Variants in GFRA1 observed in about 807,000 individuals in gnomAD.
GFRA1 encodes the protein GDNF family receptor alpha-1.
GFRA1 carries 16 observed loss-of-function variants against 51.6 expected under a neutral mutation model. That is an observed-to-expected ratio of 0.31 (90% CI 0.21 to 0.47). The LOEUF is 0.47. GFRA1 is among the 20% of genes least tolerant of loss of function. The probability of loss-of-function intolerance (pLI) is 1.00; values close to 1 mark genes in which losing one functional copy is unlikely to be tolerated. For synonymous variants in GFRA1, 270 were observed against 241.3 expected (o/e 1.12, Z -1.10); for missense variants, 530 against 594.3 (o/e 0.89, Z 1.13).
At chr10:116,176,389 G>T (rs1257075177) in intron 5 of GFRA1, among the ~76,000 whole-genome samples, 1 of 152,120 alleles carries the variant, frequency 6.6e-6, no homozygotes, top group Non-Finnish European at 1.5e-5. Flanking sequence ...GCAGCCTGGT[G>T]GGAGGTGTTT....
rs3781508 is a variant in GFRA1, at chr10:116,094,901, T to C, written c.881-1065A>G. On this transcript the variant is annotated intron_variant, in intron 7 of 10. Transcript: ENST00000355422. ...GGGAGGAGGTTAAGGCCATTGGATA[T>C]GCCTGGTGCCACGGTGGGCCCCTGG... 1.1e-3 allele frequency among the ~76,000 whole-genome samples: 175 copies of C among 152,336 alleles called. 4 individuals carry two copies. The East Asian group carries it at 0.028, about 25-fold the overall frequency.
intron 9 of GFRA1, among the ~76,000 whole-genome samples, chr10:116,071,788 A>G (rs1298698511): frequency 1.3e-5 from 2 of 152,256 alleles, no homozygotes; most frequent in East Asian, 1.9e-4. Context: ...TGTCTATACG[A>G]AACTTTACCA....
At chr10:116,274,213 C>T (rs1844138566), upstream of GFRA1, among the ~76,000 whole-genome samples, 1 of 132,298 alleles carries the variant, frequency 7.6e-6, no homozygotes, top group African/African-American at 2.8e-5. Flanking sequence ...CGCCGGGGGG[C>T]GCCCGGGGCA....
chr10:116,241,848 C>T (rs1967408229), intron 4 of GFRA1, among the ~76,000 whole-genome samples: 1 of 152,068 alleles, frequency 6.6e-6, no homozygotes, highest in Admixed American at 6.6e-5. Context: ...AACTTGCTAC[C>T]CAGCCATTCT....
rs538558288 is a variant in GFRA1 at position 116,075,360 on chromosome 10, AC to A, written c.1198-9735del. Among the ~76,000 whole-genome samples the A allele has an allele frequency of 5.3e-5, 8 of 152,354 alleles. No homozygotes were observed. In the South Asian group the frequency reaches 1.7e-3, roughly 32 times the overall value. On this transcript the variant is annotated intron_variant, in intron 9 of 10. Coordinates refer to ENST00000355422, the MANE Select transcript of GFRA1 (RefSeq NM_005264.8). ...AAAGGTCACCGGATGCCGCCTCGGC[AC>A]AGGCTCCTCCTATGTCATCATCAGC...
Position 116,217,328 on chromosome 10 carries a change from G to A in GFRA1, c.419-5683C>T, listed in dbSNP as rs149608517. Among the ~76,000 whole-genome samples, 502 of 152,286 alleles carry A rather than the reference G, an allele frequency of 3.3e-3. 4 individuals are homozygous for A. The highest frequency in any genetic ancestry group is 0.012 in the African/African-American group (486 of 41,568). On this transcript the variant is annotated intron_variant, in intron 4 of 10. Coordinates refer to ENST00000355422, the MANE Select transcript of GFRA1 (RefSeq NM_005264.8). ...CCTATCTATAAAATGGCAACAGTAG[G>A]GATAAGCTTTTTCCCTACCATAGGA...
At chr10:116,075,753 C>A (rs1955590461) in intron 9 of GFRA1, among the ~76,000 whole-genome samples, 1 of 151,314 alleles carries the variant, frequency 6.6e-6, no homozygotes, top group Non-Finnish European at 1.5e-5. Flanking sequence ...GATCTATTAT[C>A]TTTTTTTTTG....
chr10:116,165,075 T>C (rs1435219987), intron 5 of GFRA1, among the ~76,000 whole-genome samples: 1 of 152,200 alleles, frequency 6.6e-6, no homozygotes, highest in Non-Finnish European at 1.5e-5. Context: ...CTTTGTATTC[T>C]CTGGAAACAC....
intron 4 of GFRA1, among the ~76,000 whole-genome samples, chr10:116,257,929 CTGT>C (rs1042277804): frequency 6.6e-6 from 1 of 152,170 alleles, no homozygotes; most frequent in African/African-American, 2.4e-5. Flanking sequence ...TTTGCCCAGG[CTGT>C]TGCCTCTGCC....
At chr10:116,111,968 C>T (rs534390074) in intron 6 of GFRA1, among the ~76,000 whole-genome samples, 8 of 152,306 alleles carry the variant, frequency 5.3e-5, no homozygotes, top group Non-Finnish European at 7.3e-5. Flanking sequence ...CTCTGGCCCT[C>T]GGGGCCCTAC....
intron 4 of GFRA1, among the ~76,000 whole-genome samples, chr10:116,224,625 A>G (rs1966153152): frequency 6.6e-6 from 1 of 152,216 alleles, no homozygotes. Flanking sequence ...TATTTATATG[A>G]AATATCCAGA....
At chr10:116,255,847 T>C in intron 4 of GFRA1, 1 of 851,950 alleles carries the variant, frequency 1.2e-6, no homozygotes, top group Non-Finnish European at 1.6e-6. Context: ...TGCTTAAGTG[T>C]AGAGTAGAAA....
At chr10:116,112,683 G>A (rs2133972954) in intron 6 of GFRA1, among the ~76,000 whole-genome samples, 1 of 152,356 alleles carries the variant, frequency 6.6e-6, no homozygotes, top group East Asian at 1.9e-4. Context: ...GGAGCTGTCA[G>A]GAGGGCATCT....
At chr10:116,121,562 C>T (rs1162396877) in intron 6 of GFRA1, among the ~76,000 whole-genome samples, 2 of 152,136 alleles carry the variant, frequency 1.3e-5, no homozygotes, top group African/African-American at 4.8e-5. Flanking sequence ...CACTGTCGGA[C>T]CCTGGGGAAG....
chr10:116,067,917 G>A (rs550469927), intron 9 of GFRA1, among the ~76,000 whole-genome samples: 8 of 152,224 alleles, frequency 5.3e-5, no homozygotes, highest in South Asian at 4.2e-4. Flanking sequence ...CTGTGCAGTC[G>A]CCAAGTTCTT....
At chr10:116,083,356 T>C (rs1955941690) in intron 9 of GFRA1, among the ~76,000 whole-genome samples, 1 of 152,232 alleles carries the variant, frequency 6.6e-6, no homozygotes, top group Admixed American at 6.5e-5. Context: ...TCTATCATCC[T>C]GTGCAAAATC....
intron 6 of GFRA1, among the ~76,000 whole-genome samples, chr10:116,116,837 C>T (rs998082629): frequency 6.6e-6 from 1 of 152,144 alleles, no homozygotes; most frequent in Non-Finnish European, 1.5e-5. Flanking sequence ...CTAAGAGGCT[C>T]TTATGGACAT....
At chr10:116,260,258 T>C (rs1483266678) in intron 4 of GFRA1, among the ~76,000 whole-genome samples, 1 of 152,214 alleles carries the variant, frequency 6.6e-6, no homozygotes, top group Non-Finnish European at 1.5e-5. Context: ...ACAGCTGCCT[T>C]TGTCACAGCC....
chr10:116,067,878 A>C (rs1285489359), intron 9 of GFRA1, among the ~76,000 whole-genome samples: 8 of 152,200 alleles, frequency 5.3e-5, no homozygotes, highest in Admixed American at 2.6e-4. Flanking sequence ...TCAATTTCAC[A>C]GGAAAATGCA....
Sources: allele counts gnomAD v4.1 joint callset (sites outside exome capture counted in the v4.1 genomes callset), GRCh38; gene constraint gnomAD v4.1.1; transcripts MANE v1.5; gene names NCBI Gene and HGNC (gene_info 2026-07-23, HGNC 2026-07-21).